KAZN: variants seen among roughly 807,000 people sequenced by gnomAD.
KAZN encodes the protein kazrin, periplakin interacting protein, also known as kazrin.
In KAZN, 40 loss-of-function variants were observed where a neutral mutation model predicts 87.4. That is an observed-to-expected ratio of 0.46 (90% confidence interval 0.36 to 0.60). KAZN has a LOEUF of 0.60. Among genes scored for constraint, KAZN ranks in the 20% least tolerant of loss-of-function variants. The pLI is 0.00. For synonymous variants in KAZN, 466 were observed against 458.3 expected (o/e 1.02, Z -0.22); for missense variants, 898 against 1,073.9 (o/e 0.84, Z 2.29).
intron 1 of KAZN, among the ~76,000 whole-genome samples, chr1:14,798,039 G>A (rs962874812): frequency 4.6e-5 from 7 of 152,134 alleles, no homozygotes; most frequent in African/African-American, 1.4e-4. Flanking sequence ...GGAAACTGAG[G>A]CACAGAGAGG....
intron 2 of KAZN, among the ~76,000 whole-genome samples, chr1:14,374,627 A>G (rs957152998): frequency 3.3e-5 from 5 of 152,190 alleles, no homozygotes; most frequent in African/African-American, 9.7e-5. Flanking sequence ...TCAGTGGTAA[A>G]GAAAGATGAA....
chr1:13,912,677 C>T (rs1639696783), intron 1 of KAZN, among the ~76,000 whole-genome samples: 2 of 152,162 alleles, frequency 1.3e-5, no homozygotes, highest in Non-Finnish European at 2.9e-5. Context: ...AATCTTGGCT[C>T]ACTGCAGCCT....
intron 2 of KAZN, among the ~76,000 whole-genome samples, chr1:14,278,801 G>A (rs1385112308): frequency 1.3e-5 from 2 of 151,950 alleles, no homozygotes; most frequent in Admixed American, 1.3e-4. Flanking sequence ...TTCATTTACG[G>A]TATAAATGTC....
rs139634748 is a variant in KAZN, at chr1:14,427,969, T to TA, written c.250-171013dup. 5.0e-3 allele frequency among the ~76,000 whole-genome samples: 762 copies of TA among 152,336 alleles called. 7 individuals are homozygous for TA. Among genetic ancestry groups the TA allele is most frequent in the African/African-American group, 0.018 (732 of 41,576 alleles). ...TCAGGCTGACGATTGGCAACAGCTC[T>TA]ACTCAATGATTCTATCAATGTTTGG... On this transcript the variant is annotated intron_variant, in intron 2 of 16. Coordinates refer to the KAZN transcript ENST00000636203.
At chr1:14,027,451 A>T (rs569349569) in intron 1 of KAZN, among the ~76,000 whole-genome samples, 3 of 152,106 alleles carry the variant, frequency 2.0e-5, no homozygotes, top group Non-Finnish European at 4.4e-5. Context: ...TTTCATGTCA[A>T]TTAATTTGTA....
intron 2 of KAZN, among the ~76,000 whole-genome samples, chr1:14,515,571 C>T (rs552947851): frequency 3.3e-5 from 5 of 152,288 alleles, no homozygotes; most frequent in Middle Eastern, 3.4e-3. Context: ...TCTACCATCC[C>T]GGCCTCACTC....
chr1:14,849,213 C>G (rs1312546898), intron 1 of KAZN, among the ~76,000 whole-genome samples: 1 of 152,156 alleles, frequency 6.6e-6, no homozygotes, highest in East Asian at 1.9e-4. Context: ...CACTGGGTGT[C>G]ATGAAGTGCT....
intron 1 of KAZN, among the ~76,000 whole-genome samples, chr1:14,073,778 T>C (rs1230033377): frequency 6.6e-6 from 1 of 152,232 alleles, no homozygotes; most frequent in East Asian, 1.9e-4. Context: ...ATGTGCCACA[T>C]TGTCTTTATC....
At chr1:14,649,077 C>A (rs1265121616) in intron 1 of KAZN, among the ~76,000 whole-genome samples, 1 of 152,230 alleles carries the variant, frequency 6.6e-6, no homozygotes, top group African/African-American at 2.4e-5. Flanking sequence ...GCCACTGGAT[C>A]TCAGCATGGA....
intron 8 of KAZN, chr1:15,067,869 C>G: frequency 1.0e-6 from 1 of 962,162 alleles, no homozygotes; most frequent in Non-Finnish European, 1.2e-6. Flanking sequence ...AATTTCTTTT[C>G]TGGTTGATTT....
chr1:15,101,164 T>TTCTCTCTCTCTCTCTCTCTC (rs143288616), intron 10 of KAZN, among the ~76,000 whole-genome samples: 2,834 of 127,696 alleles, frequency 0.022, 152 homozygotes, highest in African/African-American at 0.046. Flanking sequence ...GTCTCGGTCT[T>TTCTCTCTCTCTCTCTCTCTC]TCTCTCTCTC....
chr1:14,081,756 TTTTG>T (rs530134785), intron 1 of KAZN, among the ~76,000 whole-genome samples: 188 of 152,048 alleles, frequency 1.2e-3, no homozygotes, highest in Non-Finnish European at 2.0e-3. Context: ...CTTTGTTTTG[TTTTG>T]TTTGTTTTTT....
intron 2 of KAZN, among the ~76,000 whole-genome samples, chr1:14,203,379 G>A (rs921388309): frequency 6.6e-6 from 1 of 152,122 alleles, no homozygotes; most frequent in Non-Finnish European, 1.5e-5. Flanking sequence ...GTGTACTTAG[G>A]ACTGAAGGCT....
intron 1 of KAZN, among the ~76,000 whole-genome samples, chr1:14,075,471 A>T (rs1242180168): frequency 6.6e-6 from 1 of 152,190 alleles, no homozygotes; most frequent in African/African-American, 2.4e-5. Context: ...CAAAAAATAA[A>T]ACAGCAGAAG....
At position 14,284,399 on chromosome 1, in the gene KAZN, C is replaced by T. The variant is rs960583670; in HGVS notation, c.249+103807C>T. Reference sequence around the variant, plus strand: ...AGAGGAAAGGAGCTTCCCAGGCAGCCGTAACAGCCTGTGCAAAGTCCCTGT... The same window carrying T: ...AGAGGAAAGGAGCTTCCCAGGCAGCTGTAACAGCCTGTGCAAAGTCCCTGT... On this transcript the variant is annotated intron_variant, in intron 2 of 16. Coordinates refer to the KAZN transcript ENST00000636203. 5.9e-5 allele frequency among the ~76,000 whole-genome samples: 9 copies of T among 152,040 alleles called. No individual in the cohort carries two copies. In the East Asian group the frequency reaches 7.8e-4, roughly 13 times the overall value.
chr1:14,823,754 G>A (rs1043629638), intron 1 of KAZN, among the ~76,000 whole-genome samples: 2 of 152,182 alleles, frequency 1.3e-5, no homozygotes, highest in African/African-American at 4.8e-5. Context: ...GCTGGGAGCA[G>A]GGCCTAGTTC....
intron 2 of KAZN, among the ~76,000 whole-genome samples, chr1:14,191,412 A>G (rs192230029): frequency 2.0e-5 from 3 of 152,182 alleles, no homozygotes; most frequent in East Asian, 3.9e-4. Flanking sequence ...GTTTAGTAAC[A>G]CCTCATAAAG....
chr1:13,916,567 C>A (rs1639861169), intron 1 of KAZN, among the ~76,000 whole-genome samples: 1 of 152,192 alleles, frequency 6.6e-6, no homozygotes, highest in African/African-American at 2.4e-5. Context: ...TGTGCTCTTG[C>A]TGCTCAGAAA....
At chr1:14,027,167 C>T (rs1471981790) in intron 1 of KAZN, among the ~76,000 whole-genome samples, 2 of 152,212 alleles carry the variant, frequency 1.3e-5, no homozygotes, top group Non-Finnish European at 2.9e-5. Context: ...GAGCCCAGTT[C>T]ACCTGCAGAC....
Sources: allele counts gnomAD v4.1 joint callset (sites outside exome capture counted in the v4.1 genomes callset), GRCh38; gene constraint gnomAD v4.1.1; transcripts MANE v1.5; gene names NCBI Gene and HGNC (gene_info 2026-07-23, HGNC 2026-07-21).